CRIM1: variants seen among roughly 807,000 people sequenced by gnomAD.
CRIM1 encodes cysteine-rich motor neuron 1 protein.
CRIM1 carries 32 observed loss-of-function variants against 116.4 expected under a neutral mutation model. The observed-to-expected ratio is 0.27, with a 90% CI of 0.21 to 0.37. The LOEUF is 0.37. CRIM1 is among the 10% of genes least tolerant of loss of function. The pLI is 1.00. For missense variants in CRIM1, 1,331 were observed against 1,354.8 expected (o/e 0.98, Z 0.28); for synonymous variants, 590 against 509.2 (o/e 1.16, Z -2.13).
At chr2:36,395,934 A>G (rs1354726996) in intron 1 of CRIM1, among the ~76,000 whole-genome samples, 1 of 152,204 alleles carries the variant, frequency 6.6e-6, no homozygotes, top group Non-Finnish European at 1.5e-5. Context: ...AGAGTAAAAA[A>G]TTAGCTTTTT....
intron 8 of CRIM1, among the ~76,000 whole-genome samples, chr2:36,504,081 C>T (rs1572884834): frequency 6.6e-6 from 1 of 152,186 alleles, no homozygotes; most frequent in Non-Finnish European, 1.5e-5. Context: ...GCCACATTGT[C>T]CAGGCAGGTC....
At chr2:36,539,594 G>T (rs1005954078) in intron 14 of CRIM1, among the ~76,000 whole-genome samples, 1 of 152,114 alleles carries the variant, frequency 6.6e-6, no homozygotes, top group Non-Finnish European at 1.5e-5. Flanking sequence ...AAAGCAGAGA[G>T]ACCAACTTGG....
In CRIM1 at chr2:36,548,817, A is replaced by C; in HGVS notation, c.*116A>C. The stretch of plus-strand genomic sequence containing the variant: ...ATTGTATTGGATTGTGACTTGATGT[A>C]CAGCGCTAAGACCTTACTGGGATGG... On this transcript the variant is annotated 3_prime_UTR_variant, in exon 17 of 17. Coordinates refer to ENST00000280527, the MANE Select transcript of CRIM1 (RefSeq NM_016441.3). The C allele has an allele frequency of 1.2e-6, 1 of 848,680 alleles. No individual in the cohort carries two copies. The highest frequency in any genetic ancestry group is 1.8e-5 in the South Asian group (1 of 54,568). 52.6% of individuals were successfully genotyped at this position (848,680 alleles called of 1,614,324 possible). A position where few individuals can be genotyped will look rare whatever the true frequency, so the allele number is the denominator to read the frequency against.
At chr2:36,441,828 G>A (rs1222177744) in intron 3 of CRIM1, among the ~76,000 whole-genome samples, 1 of 152,116 alleles carries the variant, frequency 6.6e-6, no homozygotes, top group South Asian at 2.1e-4. Context: ...CCCCAGAGAA[G>A]GTCAGAGACC....
chr2:36,504,087 A>G (rs1056929435), intron 8 of CRIM1, among the ~76,000 whole-genome samples: 3 of 152,024 alleles, frequency 2.0e-5, no homozygotes, highest in Non-Finnish European at 4.4e-5. Flanking sequence ...TTGTCCAGGC[A>G]GGTCACGAAC....
At chr2:36,501,016 A>G (rs1418725289) in intron 8 of CRIM1, among the ~76,000 whole-genome samples, 14 of 152,240 alleles carry the variant, frequency 9.2e-5, no homozygotes, top group Admixed American at 9.2e-4. Flanking sequence ...CACAAATCAT[A>G]TATTTAACAA....
chr2:36,516,107 A>C (rs1665015701), intron 11 of CRIM1, among the ~76,000 whole-genome samples: 2 of 152,166 alleles, frequency 1.3e-5, no homozygotes, highest in African/African-American at 4.8e-5. Flanking sequence ...CCTTGAGATA[A>C]AGCTGTATTA....
intron 1 of CRIM1, among the ~76,000 whole-genome samples, chr2:36,357,724 G>C (rs544724300): frequency 1.8e-4 from 28 of 152,298 alleles, no homozygotes; most frequent in Admixed American, 2.0e-4. Context: ...CGAGTGAGCA[G>C]AGCGCACGCA....
At chr2:36,510,923 CTTTTTTTTTTT>C (rs1013951561) in intron 9 of CRIM1, among the ~76,000 whole-genome samples, 2 of 109,178 alleles carry the variant, frequency 1.8e-5, no homozygotes, top group East Asian at 5.1e-4. Flanking sequence ...GATTCCTTTT[CTTTTTTTTTTT>C]TTTTTTTTTC....
At chr2:36,519,368 A>G (rs1398427983) in intron 12 of CRIM1, among the ~76,000 whole-genome samples, 1 of 152,150 alleles carries the variant, frequency 6.6e-6, no homozygotes, top group East Asian at 1.9e-4. Context: ...GCAACCCCTC[A>G]TGTGCCTGGC....
At chr2:36,470,999 A>G (rs1678466930) in intron 5 of CRIM1, among the ~76,000 whole-genome samples, 1 of 152,180 alleles carries the variant, frequency 6.6e-6, no homozygotes, top group Non-Finnish European at 1.5e-5. Flanking sequence ...GGAGCTGAAG[A>G]CCTCAGTGGA....
rs1358130450 is a variant in CRIM1 at position 36,487,189 on chromosome 2, T to G, written c.1372+7495T>G. On this transcript the variant is annotated intron_variant, in intron 7 of 16. Transcript: ENST00000280527. The stretch of plus-strand genomic sequence containing the variant: ...ATCCTCATCTTCATCTCCTACTGTT[T>G]GCCTCAGTTCCAAGGAATTCATTGG... Among the ~76,000 whole-genome samples, 6 of 152,324 alleles carry G rather than the reference T, an allele frequency of 3.9e-5. No homozygotes were observed. The East Asian group carries it at 9.6e-4, about 24-fold the overall frequency.
chr2:36,402,181 AT>A (rs1411627537), intron 2 of CRIM1, among the ~76,000 whole-genome samples: 1 of 152,200 alleles, frequency 6.6e-6, no homozygotes, highest in Non-Finnish European at 1.5e-5. Flanking sequence ...AGCATATGGT[AT>A]GATAAAAGCT....
rs537646495 is a variant in CRIM1 at position 36,506,690 on chromosome 2, A to G, written c.1502-3293A>G. Among the ~76,000 whole-genome samples, 256 of 152,186 alleles carry G rather than the reference A, an allele frequency of 1.7e-3. 1 individual carries two copies. Among genetic ancestry groups the G allele is most frequent in the African/African-American group, 5.9e-3 (243 of 41,514 alleles). The stretch of plus-strand genomic sequence containing the variant: ...ATCGTAACTTCTCCCCATGTATTAG[A>G]AAGCAATTTTAGATCACGGTAAAGT... On this transcript the variant is annotated intron_variant, in intron 8 of 16. Coordinates refer to ENST00000280527, the MANE Select transcript of CRIM1 (RefSeq NM_016441.3).
intron 6 of CRIM1, among the ~76,000 whole-genome samples, chr2:36,478,521 A>G (rs558653426): frequency 1.3e-5 from 2 of 152,316 alleles, no homozygotes; most frequent in African/African-American, 4.8e-5. Flanking sequence ...GAATTTAAAA[A>G]ATCTTCTCTT....
intron 2 of CRIM1, among the ~76,000 whole-genome samples, chr2:36,415,551 CT>C (rs1364759986): frequency 6.6e-6 from 1 of 152,158 alleles, no homozygotes; most frequent in Non-Finnish European, 1.5e-5. Context: ...TTTGGCTTCC[CT>C]TTAAAATTGT....
rs544994188 is a variant in CRIM1 at position 36,522,258 on chromosome 2, T to C, written c.2373T>C (p.Ser791=). 1.2e-6 allele frequency: 2 copies of C among 1,614,220 alleles called. No homozygotes were observed. The highest frequency in any genetic ancestry group is 1.7e-6 in the Non-Finnish European group (2 of 1,180,040). Reference sequence around the variant, plus strand: ...GCTGTTTCTCTGAGTCCTGCCCTTCTGTATCCTGTGAAAGACCTGTCTTGA... The same window carrying C: ...GCTGTTTCTCTGAGTCCTGCCCTTCCGTATCCTGTGAAAGACCTGTCTTGA... The part of the protein sequence containing the change: ...VISCFSESCP[S]VSCERPVLRK... The change falls in exon 13 of 17, where the codon TCT becomes TCC. Residue 791 remains serine (S), a synonymous_variant. Coordinates refer to ENST00000280527, the MANE Select transcript of CRIM1 (RefSeq NM_016441.3).
intron 2 of CRIM1, among the ~76,000 whole-genome samples, chr2:36,397,711 G>A (rs1029211120): frequency 2.6e-5 from 4 of 152,156 alleles, no homozygotes; most frequent in African/African-American, 9.6e-5. Flanking sequence ...AATGTACTTA[G>A]TTTCCAAGTT....
chr2:36,452,404 A>G lies in CRIM1; in HGVS notation c.869+9669A>G, dbSNP rs114410207. ...TTTCTCAACTAAGAAAAGAACATCT[A>G]TTCTGTTGCCCTCTGTCACAGTAAT... On this transcript the variant is annotated intron_variant, in intron 4 of 16. Coordinates refer to ENST00000280527, the MANE Select transcript of CRIM1 (RefSeq NM_016441.3). Among the ~76,000 whole-genome samples, 1,058 of 152,328 alleles carry G rather than the reference A, an allele frequency of 6.9e-3. 13 individuals carry two copies. Among genetic ancestry groups the G allele is most frequent in the African/African-American group, 0.024 (1,014 of 41,582 alleles).
Sources: gnomAD v4.1 joint callset for allele counts (sites outside exome capture counted in the v4.1 genomes callset) on GRCh38, gnomAD v4.1.1 for gene constraint, MANE v1.5 for transcripts, NCBI Gene and HGNC (gene_info 2026-07-23, HGNC 2026-07-21) for gene names.